Variants in ENTHD1 observed in about 807,000 individuals in gnomAD.
ENTHD1 encodes ENTH domain containing 1.
ENTHD1 carries 23 observed loss-of-function variants against 39.1 expected under a neutral mutation model. That is an observed-to-expected ratio of 0.59 (90% confidence interval 0.42 to 0.83). ENTHD1 has a LOEUF of 0.83. Ranked by LOEUF, ENTHD1 falls within the 40% of genes least tolerant of loss-of-function variation. The probability of loss-of-function intolerance (pLI) is 0.00; values close to 1 mark genes in which losing one functional copy is unlikely to be tolerated. For missense variants in ENTHD1, 624 were observed against 705.4 expected, an observed-to-expected ratio of 0.88 and a Z score of 1.31; for synonymous variants, 230 against 258.2, an observed-to-expected ratio of 0.89 and a Z score of 1.05.
intron 5 of ENTHD1, among the ~76,000 whole-genome samples, chr22:39,783,225 A>T (rs551024007): frequency 9.8e-5 from 15 of 152,298 alleles, no homozygotes; most frequent in African/African-American, 3.1e-4. Flanking sequence ...TAACCAAAAA[A>T]GTGGAAGATT....
chr22:39,744,048 A>G lies in ENTHD1; in HGVS notation c.1455T>C (p.Asn485=), dbSNP rs1283665773. Residue 485 remains asparagine (N), a synonymous_variant, in exon 7 of 7, where the codon AAT becomes AAC. Coordinates refer to ENST00000325157, the MANE Select transcript of ENTHD1 (RefSeq NM_152512.4). Reference sequence around the variant, plus strand: ...GAATTCCCAGTAGATTGAGGCTATCATTTTCCTCTACATCAGAAGACACTG... The same window carrying G: ...GAATTCCCAGTAGATTGAGGCTATCGTTTTCCTCTACATCAGAAGACACTG... ...RGPVSSDVEE[N]DSLNLLGILP... is the part of the protein sequence containing the mutation. 2 of 1,614,116 alleles carry G rather than the reference A, an allele frequency of 1.2e-6. No individual in the cohort carries two copies. Among genetic ancestry groups the G allele is most frequent in the Admixed American group, 1.7e-5 (1 of 60,024 alleles).
At position 39,743,420 on chromosome 22, in the gene ENTHD1, C is replaced by A; in HGVS notation, c.*259G>T. 2 of 376,488 alleles carry A rather than the reference C, an allele frequency of 5.3e-6. No individual in the cohort carries two copies. Among genetic ancestry groups the A allele is most frequent in the South Asian group, 4.4e-5 (1 of 22,580 alleles). The allele number at this position is 376,488 out of a possible 1,614,324, so 23.3% of individuals were successfully genotyped here. A position where few individuals can be genotyped will look rare whatever the true frequency, so the allele number is the denominator to read the frequency against. ...TGCTTAACCCATTTGAGGTACAGAGCATGAAAGAATGAAATTCTCTTCTGT... is the reference window on the plus strand; with the variant it reads ...TGCTTAACCCATTTGAGGTACAGAGAATGAAAGAATGAAATTCTCTTCTGT... On this transcript the variant is annotated 3_prime_UTR_variant, in exon 7 of 7. Coordinates refer to ENST00000325157, the MANE Select transcript of ENTHD1 (RefSeq NM_152512.4).
intron 2 of ENTHD1, among the ~76,000 whole-genome samples, chr22:39,863,266 C>T (rs532967206): frequency 1.3e-5 from 2 of 152,280 alleles, no homozygotes; most frequent in African/African-American, 4.8e-5. Flanking sequence ...TTGTTAACAT[C>T]TGTTACCTTA....
chr22:39,875,241 A>G (rs2066278056), intron 2 of ENTHD1: 2 of 1,127,230 alleles, frequency 1.8e-6, no homozygotes, highest in African/African-American at 3.3e-5. Context: ...GTATGCTTCC[A>G]TTTATATAAA....
chr22:39,799,593 C>A (rs1217712271), intron 5 of ENTHD1, among the ~76,000 whole-genome samples: 1 of 152,206 alleles, frequency 6.6e-6, no homozygotes, highest in African/African-American at 2.4e-5. Context: ...CCACCACACA[C>A]GAGCTGAAGA....
intron 5 of ENTHD1, among the ~76,000 whole-genome samples, chr22:39,796,336 G>A (rs1208057838): frequency 3.3e-5 from 5 of 151,922 alleles, no homozygotes; most frequent in Non-Finnish European, 5.9e-5. Context: ...GCAATGGTGT[G>A]AACGTGGCTC....
intron 6 of ENTHD1, among the ~76,000 whole-genome samples, chr22:39,757,917 T>C (rs183371515): frequency 3.2e-4 from 49 of 152,230 alleles, no homozygotes; most frequent in African/African-American, 1.2e-3. Context: ...CTCTCTCTCC[T>C]ACCACCTTGT....
intron 4 of ENTHD1, among the ~76,000 whole-genome samples, chr22:39,835,167 T>A (rs1474975654): frequency 6.6e-6 from 1 of 152,068 alleles, no homozygotes; most frequent in Non-Finnish European, 1.5e-5. Context: ...ATCCAGTTGG[T>A]ACTAATTAAT....
chr22:39,866,142 C>T (rs1016157237), intron 2 of ENTHD1, among the ~76,000 whole-genome samples: 3 of 152,066 alleles, frequency 2.0e-5, no homozygotes, highest in Admixed American at 6.5e-5. Context: ...ACAACGGGGG[C>T]GTGAGGGTAG....
intron 5 of ENTHD1, among the ~76,000 whole-genome samples, chr22:39,788,402 C>G (rs2065476554): frequency 6.6e-6 from 1 of 152,116 alleles, no homozygotes; most frequent in South Asian, 2.1e-4. Flanking sequence ...AGCAAGAGAA[C>G]TAGAATTAAA....
In ENTHD1 at chr22:39,820,999, C is replaced by T. The variant is rs1462816847; in HGVS notation, c.826G>A (p.Gly276Ser). 1.9e-6 allele frequency: 3 copies of T among 1,613,760 alleles called. No homozygotes were observed. Among genetic ancestry groups the T allele is most frequent in the Non-Finnish European group, 2.5e-6 (3 of 1,179,906 alleles). Residue 276 changes from glycine to serine, a missense_variant, in exon 5 of 7, where the codon GGT becomes AGT. Gly to Ser is a moderately conservative substitution (Grantham distance 56). Coordinates refer to ENST00000325157, the MANE Select transcript of ENTHD1 (RefSeq NM_152512.4). ...TATTCCTTAACCAATTTACCTGCACCCGAAAGATTACAAACTTCTTCTGCT... is the reference window on the plus strand; with the variant it reads ...TATTCCTTAACCAATTTACCTGCACTCGAAAGATTACAAACTTCTTCTGCT... Reference protein sequence around the residue: ...SEAEEVCNLSGADAVPTLSEN... With the variant: ...SEAEEVCNLSSADAVPTLSEN...
chr22:39,758,080 TCC>T (rs2065199033), intron 6 of ENTHD1, among the ~76,000 whole-genome samples: 1 of 152,188 alleles, frequency 6.6e-6, no homozygotes, highest in Non-Finnish European at 1.5e-5. Flanking sequence ...AATACAGTTG[TCC>T]AGGTTGGGAC....
At chr22:39,884,512 G>C (rs2066365236) in intron 2 of ENTHD1, among the ~76,000 whole-genome samples, 1 of 150,626 alleles carries the variant, frequency 6.6e-6, no homozygotes, top group Non-Finnish European at 1.5e-5. Context: ...TCGTAAGCTG[G>C]TACTAAACTT....
chr22:39,889,926 A>C (rs1357069988), intron 1 of ENTHD1, among the ~76,000 whole-genome samples: 2 of 151,762 alleles, frequency 1.3e-5, no homozygotes, highest in Non-Finnish European at 2.9e-5. Context: ...GTGAAACCCT[A>C]TCTCTACTAA....
chr22:39,797,198 C>T (rs1569144483), intron 5 of ENTHD1, among the ~76,000 whole-genome samples: 1 of 152,270 alleles, frequency 6.6e-6, no homozygotes, highest in East Asian at 1.9e-4. Flanking sequence ...ATTTTGGTTT[C>T]CATCAGCATG....
chr22:39,788,602 C>T (rs2065478454), intron 5 of ENTHD1, among the ~76,000 whole-genome samples: 1 of 152,156 alleles, frequency 6.6e-6, no homozygotes, highest in African/African-American at 2.4e-5. Flanking sequence ...TGATACAGCA[C>T]TGTCAGGGTT....
chr22:39,840,299 A>G (rs1185353272), intron 3 of ENTHD1, among the ~76,000 whole-genome samples: 1 of 152,212 alleles, frequency 6.6e-6, no homozygotes, highest in African/African-American at 2.4e-5. Context: ...CAAGGTTGTA[A>G]GTACTTTGTG....
chr22:39,776,913 A>G (rs2065369695), intron 5 of ENTHD1, among the ~76,000 whole-genome samples: 1 of 152,108 alleles, frequency 6.6e-6, no homozygotes, highest in East Asian at 1.9e-4. Context: ...TGTTACAATC[A>G]TTGTATATTA....
Position 39,887,917 on chromosome 22 carries a change from AC to A in ENTHD1, c.-155-15del. The A allele has an allele frequency of 1.8e-6, 1 of 542,262 alleles. No homozygotes were observed. The highest frequency in any genetic ancestry group is 3.1e-6 in the Non-Finnish European group (1 of 320,952). The allele number at this position is 542,262 out of a possible 1,614,324, so 33.6% of individuals were successfully genotyped here. A position where few individuals can be genotyped will look rare whatever the true frequency, so the allele number is the denominator to read the frequency against. On this transcript the variant is annotated splice_polypyrimidine_tract_variant and intron_variant, in intron 1 of 6. Transcript: ENST00000325157. ...AGTATCAATTTCCTGCAAGGAAAGC[AC>A]AAAAAAATTTACATTAAACTTTTTT...
Sources: gnomAD v4.1 joint callset for allele counts (sites outside exome capture counted in the v4.1 genomes callset) on GRCh38, gnomAD v4.1.1 for gene constraint, MANE v1.5 for transcripts, NCBI Gene and HGNC (gene_info 2026-07-23, HGNC 2026-07-21) for gene names.